The following KCNK2 variants were observed in gnomAD, a reference collection of about 807,000 sequenced individuals.
KCNK2 encodes the protein potassium channel subfamily K member 2.
Under a neutral mutation model 40.5 loss-of-function variants are expected in KCNK2, and 21 were observed. The ratio of observed to expected loss-of-function variants is 0.52; its 90% confidence interval spans 0.37 to 0.75. The LOEUF (loss-of-function observed/expected upper bound fraction) is 0.75, where lower values mean the gene tolerates loss of function less well. KCNK2 is among the 30% of genes least tolerant of loss of function. KCNK2 has a pLI of 0.00. For missense variants in KCNK2, 399 were observed against 531.6 expected (o/e 0.75, Z 2.45); for synonymous variants, 191 against 202.2 (o/e 0.94, Z 0.47).
intron 1 of KCNK2, among the ~76,000 whole-genome samples, chr1:215,055,011 A>G (rs922941354): frequency 1.3e-5 from 2 of 152,226 alleles, no homozygotes; most frequent in Non-Finnish European, 2.9e-5. Context: ...ATTCTGTGGT[A>G]ATTGGATCAG....
Position 215,236,069 on chromosome 1 carries a change from T to TATCTATC in KCNK2, c.*925_*931dup, listed in dbSNP as rs1180380195. Reference sequence around the variant, plus strand: ...AAATCTATCTATCTATCTATCTATCTATCTATCTATCTATCTATCTATCTA... The same window carrying TATCTATC: ...AAATCTATCTATCTATCTATCTATCTATCTATCATCTATCTATCTATCTATCTATCTA... On this transcript the variant is annotated 3_prime_UTR_variant, in exon 7 of 7. Coordinates refer to ENST00000444842, the MANE Select transcript of KCNK2 (RefSeq NM_001017425.3). 6.6e-6 allele frequency: 1 copy of TATCTATC among 150,640 alleles called. No individual in the cohort carries two copies. The highest frequency in any genetic ancestry group is 6.6e-5 in the Admixed American group (1 of 15,198). 9.3% of individuals were successfully genotyped at this position (150,640 alleles called of 1,614,324 possible).
chr1:215,144,326 G>T (rs180939722), intron 3 of KCNK2, among the ~76,000 whole-genome samples: 2 of 152,242 alleles, frequency 1.3e-5, no homozygotes, highest in Non-Finnish European at 2.9e-5. Flanking sequence ...TGGTTTTAGT[G>T]ATGTAGCCTT....
intron 2 of KCNK2, among the ~76,000 whole-genome samples, chr1:215,121,185 G>A (rs546375467): frequency 9.9e-5 from 15 of 152,240 alleles, no homozygotes; most frequent in African/African-American, 2.4e-4. Flanking sequence ...GGTAAAAACC[G>A]AAATCAAACA....
At chr1:215,007,458 C>A (rs1656221138) in intron 1 of KCNK2, among the ~76,000 whole-genome samples, 1 of 151,604 alleles carries the variant, frequency 6.6e-6, no homozygotes, top group African/African-American at 2.4e-5. Flanking sequence ...CTCTTGGAGT[C>A]AAATTTCTAG....
At chr1:215,164,641 A>G in intron 3 of KCNK2, among the ~76,000 whole-genome samples, 1 of 152,186 alleles carries the variant, frequency 6.6e-6, no homozygotes, top group African/African-American at 2.4e-5. Flanking sequence ...GTTTCAAAGA[A>G]CTTATTTATT....
chr1:215,146,465 T>G (rs201399962), intron 3 of KCNK2, among the ~76,000 whole-genome samples: 1 of 152,196 alleles, frequency 6.6e-6, no homozygotes, highest in East Asian at 1.9e-4. Flanking sequence ...CTGTTTGAAC[T>G]GCAGGCGCGG....
At chr1:215,077,749 G>A (rs1428119451), upstream of KCNK2, among the ~76,000 whole-genome samples, 1 of 151,862 alleles carries the variant, frequency 6.6e-6, no homozygotes, top group Non-Finnish European at 1.5e-5. Context: ...TCTCTCTGTT[G>A]GGGAAGCCCT....
chr1:215,084,086 G>A (rs910742426), intron 1 of KCNK2, among the ~76,000 whole-genome samples: 2 of 151,760 alleles, frequency 1.3e-5, no homozygotes, highest in African/African-American at 2.4e-5. Flanking sequence ...TGTCCATTCT[G>A]TCTGCCAAAT....
At chr1:215,095,972 G>A (rs1429951327) in intron 2 of KCNK2, among the ~76,000 whole-genome samples, 1 of 152,080 alleles carries the variant, frequency 6.6e-6, no homozygotes, top group Non-Finnish European at 1.5e-5. Flanking sequence ...GACTAGGTGA[G>A]GTAAATCAGG....
chr1:215,090,250 G>A (rs184991793), intron 2 of KCNK2, among the ~76,000 whole-genome samples: 12 of 152,216 alleles, frequency 7.9e-5, no homozygotes, highest in Middle Eastern at 6.8e-3. Context: ...TTAAACCACC[G>A]TAATAGGTAG....
rs1664717792 is a variant in KCNK2 at position 215,192,734 on chromosome 1, T to A, written c.824-2219T>A. Among the ~76,000 whole-genome samples the A allele has an allele frequency of 2.0e-5, 3 of 152,194 alleles. No homozygotes were observed. The South Asian group carries it at 6.2e-4, about 31-fold the overall frequency. On this transcript the variant is annotated intron_variant, in intron 5 of 6. Transcript: ENST00000444842. ...AGAGCCGTATCCTCCATGGGCCAAC[T>A]CTTAACCATCACGAGATGCATTTAT...
chr1:215,179,464 T>A (rs917547325), intron 5 of KCNK2, among the ~76,000 whole-genome samples: 17 of 152,082 alleles, frequency 1.1e-4, no homozygotes, highest in African/African-American at 4.1e-4. Context: ...TGATGTTAGA[T>A]CTTTAATTTG....
chr1:215,197,575 T>C (rs955514375), intron 6 of KCNK2, among the ~76,000 whole-genome samples: 2 of 152,174 alleles, frequency 1.3e-5, no homozygotes, highest in Non-Finnish European at 2.9e-5. Flanking sequence ...TTACCTTCTT[T>C]AAAGCCGTGT....
At chr1:215,148,879 T>G (rs1662558542) in intron 3 of KCNK2, among the ~76,000 whole-genome samples, 1 of 152,152 alleles carries the variant, frequency 6.6e-6, no homozygotes, top group South Asian at 2.1e-4. Context: ...TCCACCCTTG[T>G]GTCAGCTAGA....
intron 1 of KCNK2, among the ~76,000 whole-genome samples, chr1:215,069,535 G>C (rs944734360): frequency 6.6e-6 from 1 of 152,094 alleles, no homozygotes; most frequent in Admixed American, 6.5e-5. Context: ...TCTTTCCATG[G>C]TTCAGTGCTG....
At chr1:215,040,574 C>T (rs1239747369) in intron 1 of KCNK2, among the ~76,000 whole-genome samples, 1 of 152,116 alleles carries the variant, frequency 6.6e-6, no homozygotes. Flanking sequence ...AGAGATACTT[C>T]CAGTTAACGG....
chr1:215,057,914 C>T (rs1440922522), intron 1 of KCNK2, among the ~76,000 whole-genome samples: 1 of 151,894 alleles, frequency 6.6e-6, no homozygotes, highest in East Asian at 1.9e-4. Flanking sequence ...TAAATGTGTA[C>T]CAGTTTAGTG....
At chr1:215,086,099 C>CT (rs765981699) in intron 1 of KCNK2, among the ~76,000 whole-genome samples, 4 of 152,004 alleles carry the variant, frequency 2.6e-5, no homozygotes, top group Admixed American at 6.5e-5. Context: ...GCATTCTTTT[C>CT]TTTTTTTGAA....
chr1:215,061,216 T>G (rs926783094), intron 1 of KCNK2, among the ~76,000 whole-genome samples: 1 of 152,158 alleles, frequency 6.6e-6, no homozygotes, highest in African/African-American at 2.4e-5. Context: ...AAGTTCAGTA[T>G]TAATGGATTT....
Sources: allele counts gnomAD v4.1 joint callset (sites outside exome capture counted in the v4.1 genomes callset), GRCh38; gene constraint gnomAD v4.1.1; transcripts MANE v1.5; gene names NCBI Gene and HGNC (gene_info 2026-07-23, HGNC 2026-07-21).